Variants in MGAT5 observed in about 807,000 individuals in gnomAD.
The protein encoded by MGAT5 is alpha-1,6-mannosylglycoprotein 6-beta-N-acetylglucosaminyltransferase, also known as alpha-1,6-mannosylglycoprotein 6-beta-N-acetylglucosaminyltransferase A.
Under a neutral mutation model 94.3 loss-of-function variants are expected in MGAT5, and 30 were observed. The observed-to-expected ratio is 0.32, with a 90% CI of 0.24 to 0.43. The LOEUF is 0.43. Among genes scored for constraint, MGAT5 ranks in the 20% least tolerant of loss-of-function variants. The pLI is 1.00. For missense variants in MGAT5, 691 were observed against 905.5 expected (o/e 0.76, Z 3.04); for synonymous variants, 310 against 322.9 (o/e 0.96, Z 0.43).
intron 12 of MGAT5, among the ~76,000 whole-genome samples, chr2:134,417,522 A>C (rs1684049601): frequency 6.6e-6 from 1 of 152,100 alleles, no homozygotes; most frequent in Non-Finnish European, 1.5e-5. Flanking sequence ...CTTTTTGTAC[A>C]CTGTTTCTCA....
intron 2 of MGAT5, among the ~76,000 whole-genome samples, chr2:134,291,772 T>C (rs1028033985): frequency 6.6e-6 from 1 of 152,220 alleles, no homozygotes; most frequent in African/African-American, 2.4e-5. Flanking sequence ...TGATAACAGC[T>C]GCTATGACTA....
At chr2:134,208,984 T>G (rs1417183081) in intron 1 of MGAT5, among the ~76,000 whole-genome samples, 1 of 152,150 alleles carries the variant, frequency 6.6e-6, no homozygotes, top group Non-Finnish European at 1.5e-5. Context: ...TTCCTGGTGT[T>G]CTGTTACATC....
intron 5 of MGAT5, among the ~76,000 whole-genome samples, chr2:134,337,685 A>AT (rs1194864048): frequency 2.0e-5 from 3 of 152,172 alleles, no homozygotes; most frequent in Admixed American, 1.3e-4. Flanking sequence ...TCTGTTTGGA[A>AT]TTTTAAATTG....
At chr2:134,346,439 G>A (rs958104836) in intron 8 of MGAT5, among the ~76,000 whole-genome samples, 1 of 152,084 alleles carries the variant, frequency 6.6e-6, no homozygotes, top group African/African-American at 2.4e-5. Flanking sequence ...CCTGGCAGGA[G>A]GTCTGTTAGT....
At chr2:134,400,553 A>G (rs896102185) in intron 10 of MGAT5, among the ~76,000 whole-genome samples, 1 of 152,158 alleles carries the variant, frequency 6.6e-6, no homozygotes, top group African/African-American at 2.4e-5. Context: ...CTGGGATTTA[A>G]TGGTAATACA....
chr2:134,202,419 C>T (rs1679832093), intron 1 of MGAT5, among the ~76,000 whole-genome samples: 1 of 152,240 alleles, frequency 6.6e-6, no homozygotes, highest in African/African-American at 2.4e-5. Context: ...ACAGTAGGCC[C>T]TTACCAGATG....
intron 1 of MGAT5, among the ~76,000 whole-genome samples, chr2:134,228,873 A>G (rs1460966906): frequency 2.0e-5 from 3 of 152,174 alleles, no homozygotes; most frequent in Non-Finnish European, 4.4e-5. Flanking sequence ...TGTCTTCTCC[A>G]ACAAAGTCAG....
Position 134,302,161 on chromosome 2 carries a change from G to T in MGAT5, c.407-15368G>T, listed in dbSNP as rs73958355. Among the ~76,000 whole-genome samples the T allele has an allele frequency of 8.2e-3, 1,244 of 152,252 alleles. 13 individuals carry two copies. The highest frequency in any genetic ancestry group is 0.029 in the African/African-American group (1,187 of 41,534). ...ACACTGGACAATATGTAAATGATTG[G>T]CTTGGGCATATTCCAATAAGACTTT... is the stretch of plus-strand genomic sequence containing the variant. On this transcript the variant is annotated intron_variant, in intron 2 of 15. Coordinates refer to ENST00000281923, the MANE Select transcript of MGAT5 (RefSeq NM_002410.5).
intron 14 of MGAT5, among the ~76,000 whole-genome samples, chr2:134,430,463 A>G (rs1045877371): frequency 2.6e-5 from 4 of 152,154 alleles, no homozygotes; most frequent in Non-Finnish European, 5.9e-5. Flanking sequence ...CTATATCCCT[A>G]GTAACCTGCT....
chr2:134,343,024 C>T (rs1303068257), intron 7 of MGAT5, among the ~76,000 whole-genome samples: 1 of 152,072 alleles, frequency 6.6e-6, no homozygotes, highest in African/African-American at 2.4e-5. Flanking sequence ...TAGATAGTGC[C>T]TAGCAAGTAA....
intron 2 of MGAT5, among the ~76,000 whole-genome samples, chr2:134,281,896 T>G (rs1684720972): frequency 1.3e-5 from 2 of 152,254 alleles, no homozygotes; most frequent in African/African-American, 4.8e-5. Flanking sequence ...ATTTAAGACT[T>G]TATTTCAGGA....
chr2:134,306,774 C>T (rs114400654), intron 2 of MGAT5, among the ~76,000 whole-genome samples: 2,284 of 152,220 alleles, frequency 0.015, 34 homozygotes, highest in Non-Finnish European at 0.025. Flanking sequence ...ACCTGCTCAG[C>T]TTATGTGATT....
intron 1 of MGAT5, among the ~76,000 whole-genome samples, chr2:134,237,138 T>C (rs1451307156): frequency 7.3e-6 from 1 of 136,628 alleles, no homozygotes; most frequent in Non-Finnish European, 1.6e-5. Flanking sequence ...TGTGTGTGTG[T>C]GTGTGTGTGT....
chr2:134,246,240 G>T (rs1394110518), intron 1 of MGAT5, among the ~76,000 whole-genome samples: 1 of 150,796 alleles, frequency 6.6e-6, no homozygotes, highest in Non-Finnish European at 1.5e-5. Flanking sequence ...TTCTTGGGCA[G>T]CACCCTGCCT....
intron 2 of MGAT5, among the ~76,000 whole-genome samples, chr2:134,292,603 A>G (rs34030817): frequency 0.096 from 14,647 of 152,198 alleles, 831 homozygotes; most frequent in South Asian, 0.24. Flanking sequence ...TGATTTTAAT[A>G]CAATTCAGGT....
At chr2:134,131,034 G>A (rs1265459021) in intron 1 of MGAT5, among the ~76,000 whole-genome samples, 1 of 152,214 alleles carries the variant, frequency 6.6e-6, no homozygotes, top group Non-Finnish European at 1.5e-5. Flanking sequence ...CCATAGTGTG[G>A]AAGCTTTGTT....
chr2:134,252,566 G>A (rs1682677439), upstream of MGAT5, among the ~76,000 whole-genome samples: 1 of 152,202 alleles, frequency 6.6e-6, no homozygotes, highest in African/African-American at 2.4e-5. Flanking sequence ...TGCTGATTCA[G>A]TGGGTGTGGG....
At chr2:134,215,492 CAT>C (rs1680445758) in intron 1 of MGAT5, among the ~76,000 whole-genome samples, 1 of 152,150 alleles carries the variant, frequency 6.6e-6, no homozygotes, top group Non-Finnish European at 1.5e-5. Flanking sequence ...GAGGAACAGG[CAT>C]GTGTGGAGAG....
intron 14 of MGAT5, 25 bp downstream of exon 14, chr2:134,428,464 G>A (rs1299747866): frequency 2.7e-5 from 43 of 1,602,788 alleles, no homozygotes; most frequent in Non-Finnish European, 3.7e-5. Context: ...AAGTCAGTCT[G>A]TCTTTGCTGT....
Sources: gnomAD v4.1 joint callset for allele counts (sites outside exome capture counted in the v4.1 genomes callset) on GRCh38, gnomAD v4.1.1 for gene constraint, MANE v1.5 for transcripts, NCBI Gene and HGNC (gene_info 2026-07-23, HGNC 2026-07-21) for gene names.